AIM2: variants seen among roughly 807,000 people sequenced by gnomAD.
AIM2 encodes the protein interferon-inducible protein AIM2.
AIM2 carries 30 observed loss-of-function variants against 27.7 expected under a neutral mutation model. The observed-to-expected ratio is 1.08, with a 90% CI of 0.81 to 1.47. The LOEUF is 1.47. AIM2 is among the 40% of genes most tolerant of loss of function. The probability of loss-of-function intolerance (pLI) is 0.00; values close to 1 mark genes in which losing one functional copy is unlikely to be tolerated. For missense variants in AIM2, 358 were observed against 411.3 expected, an observed-to-expected ratio of 0.87 and a Z score of 1.12; for synonymous variants, 141 against 145.3, an observed-to-expected ratio of 0.97 and a Z score of 0.21.
At chr1:159,073,154 G>A (rs887819452) in intron 2 of AIM2, 84 bp downstream of exon 2, 6 of 1,529,382 alleles carry the variant, frequency 3.9e-6, no homozygotes, top group Non-Finnish European at 4.5e-6. Flanking sequence ...GTGCACTGGG[G>A]GTCATATCCC....
At chr1:159,065,820 A>T in intron 4 of AIM2, 90 bp downstream of exon 4, 2 of 1,344,380 alleles carry the variant, frequency 1.5e-6, no homozygotes, top group Non-Finnish European at 2.0e-6. Context: ...ATATAGAAAG[A>T]CATTAAAACC....
chr1:159,136,484 C>T (rs1335500320), intron 1 of AIM2, among the ~76,000 whole-genome samples: 1 of 152,194 alleles, frequency 6.6e-6, no homozygotes, highest in Non-Finnish European at 1.5e-5. Flanking sequence ...GATTCAGACT[C>T]AGATCTGTGT....
chr1:159,135,447 C>A (rs1490208188), intron 1 of AIM2, among the ~76,000 whole-genome samples: 1 of 152,106 alleles, frequency 6.6e-6, no homozygotes, highest in Non-Finnish European at 1.5e-5. Context: ...AAATAGAACC[C>A]TAAATCTAGA....
chr1:159,130,800 C>CCACACACACA (rs10557540), intron 1 of AIM2, among the ~76,000 whole-genome samples: 3 of 145,062 alleles, frequency 2.1e-5, no homozygotes, highest in Non-Finnish European at 3.0e-5. Context: ...AGCCTGGTCA[C>CCACACACACA]CACACACACA....
At chr1:159,135,994 C>T (rs560254844) in intron 1 of AIM2, among the ~76,000 whole-genome samples, 19 of 152,300 alleles carry the variant, frequency 1.2e-4, no homozygotes, top group Non-Finnish European at 2.2e-4. Flanking sequence ...CATTGCCCCA[C>T]GCAGAGAAGT....
chr1:159,083,679 C>A (rs1656834548), intron 1 of AIM2, among the ~76,000 whole-genome samples: 1 of 152,124 alleles, frequency 6.6e-6, no homozygotes, highest in South Asian at 2.1e-4. Context: ...TCTATACTAT[C>A]CTAAGGATCT....
intron 1 of AIM2, among the ~76,000 whole-genome samples, chr1:159,114,226 T>C (rs1647269431): frequency 6.6e-6 from 1 of 151,176 alleles, no homozygotes; most frequent in African/African-American, 2.4e-5. Context: ...TGCTGAGGAG[T>C]CATGAGGGAC....
At chr1:159,141,546 G>C (rs777411321), upstream of AIM2, among the ~76,000 whole-genome samples, 1 of 152,048 alleles carries the variant, frequency 6.6e-6, no homozygotes, top group African/African-American at 2.4e-5. Context: ...CTCCAGGGAG[G>C]AGTAAATATA....
At chr1:159,126,862 G>A (rs116839839) in intron 1 of AIM2, among the ~76,000 whole-genome samples, 81 of 152,160 alleles carry the variant, frequency 5.3e-4, no homozygotes, top group Non-Finnish European at 1.0e-3. Flanking sequence ...ATCAAAGGCA[G>A]AATGCATTAA....
chr1:159,082,553 A>T (rs922183599), intron 1 of AIM2, among the ~76,000 whole-genome samples: 1 of 152,038 alleles, frequency 6.6e-6, no homozygotes, highest in Non-Finnish European at 1.5e-5. Flanking sequence ...CTGGACCCTA[A>T]GTCCTGGACA....
At chr1:159,118,800 A>C (rs767840447) in intron 1 of AIM2, among the ~76,000 whole-genome samples, 7 of 152,150 alleles carry the variant, frequency 4.6e-5, no homozygotes, top group Non-Finnish European at 8.8e-5. Context: ...CGTCCTTTAA[A>C]ACACAATACA....
At chr1:159,103,148 T>C (rs1391568576) in intron 1 of AIM2, among the ~76,000 whole-genome samples, 1 of 152,186 alleles carries the variant, frequency 6.6e-6, no homozygotes, top group Admixed American at 6.5e-5. Context: ...TGAGTTCTCA[T>C]GAGATCTGGT....
intron 1 of AIM2, among the ~76,000 whole-genome samples, chr1:159,094,526 G>T (rs1189874382): frequency 1.3e-5 from 2 of 152,096 alleles, no homozygotes; most frequent in African/African-American, 4.8e-5. Context: ...GTGAAACTTT[G>T]TCTCTACTAA....
At position 159,065,921 on chromosome 1, in the gene AIM2, C is replaced by T; in HGVS notation, c.805G>A (p.Val269Ile). The change falls in exon 4 of 6, where the codon GTA becomes ATA. Residue 269 changes from valine to isoleucine, a missense_variant. Physicochemically the swap from Val to Ile is conservative, Grantham distance 29. Coordinates refer to ENST00000368130, the MANE Select transcript of AIM2 (RefSeq NM_004833.3). ...PLGTIVNGLFVVQKVTEKKKN... is the reference protein window; with the variant it reads ...PLGTIVNGLFIVQKVTEKKKN... Reference sequence around the variant, plus strand: ...ATATGAAAACTTACCTTCTGGACTACAAACAAACCATTCACAATTGTTCCA... The same window carrying T: ...ATATGAAAACTTACCTTCTGGACTATAAACAAACCATTCACAATTGTTCCA... 1 of 1,606,138 alleles carries T rather than the reference C, an allele frequency of 6.2e-7. No homozygotes were observed. Among genetic ancestry groups the T allele is most frequent in the Non-Finnish European group, 8.5e-7 (1 of 1,175,882 alleles).
At position 159,068,589 on chromosome 1, in the gene AIM2, T is replaced by C. The variant is rs201607142; in HGVS notation, c.375A>G (p.Pro125=). The change falls in exon 3 of 6, where the codon CCA becomes CCG. Residue 125 remains proline (P), a synonymous_variant. Coordinates refer to ENST00000368130, the MANE Select transcript of AIM2 (RefSeq NM_004833.3). ...RNDVAKQRAA[P]KVSPHVKPEQ... ...CTACCTTAACATGAGGAGAGACTTT[T>C]GGTGCAGCACGTTGCTTTGCGACAT... 2.1e-5 allele frequency: 34 copies of C among 1,612,986 alleles called. 1 individual carries two copies. The East Asian group carries it at 7.6e-4, about 36-fold the overall frequency.
At chr1:159,106,741 T>TAGAA (rs1657456685) in intron 1 of AIM2, among the ~76,000 whole-genome samples, 1 of 152,228 alleles carries the variant, frequency 6.6e-6, no homozygotes. Context: ...AAAGTGATAT[T>TAGAA]AGTAAAAATG....
chr1:159,108,414 T>C (rs976062449), intron 1 of AIM2, among the ~76,000 whole-genome samples: 8 of 152,188 alleles, frequency 5.3e-5, no homozygotes, highest in Non-Finnish European at 7.3e-5. Flanking sequence ...AAGCCATCTA[T>C]GACAAACCCA....
chr1:159,085,455 A>T (rs1656886257), intron 1 of AIM2, among the ~76,000 whole-genome samples: 2 of 152,178 alleles, frequency 1.3e-5, no homozygotes, highest in African/African-American at 4.8e-5. Context: ...GACAGGGAGT[A>T]CCCAAGGAGG....
intron 1 of AIM2, among the ~76,000 whole-genome samples, chr1:159,108,476 C>G (rs1248478888): frequency 2.6e-5 from 4 of 152,120 alleles, no homozygotes; most frequent in African/African-American, 9.7e-5. Flanking sequence ...CCTCTGAGAA[C>G]TGGAACAAGA....
Sources: gnomAD v4.1 joint callset for allele counts (sites outside exome capture counted in the v4.1 genomes callset) on GRCh38, gnomAD v4.1.1 for gene constraint, MANE v1.5 for transcripts, NCBI Gene and HGNC (gene_info 2026-07-23, HGNC 2026-07-21) for gene names.